The following RBBP8 variants were observed in gnomAD, a reference collection of about 807,000 sequenced individuals.
The protein encoded by RBBP8 is DNA endonuclease RBBP8.
Under a neutral mutation model 108.3 loss-of-function variants are expected in RBBP8, and 88 were observed. The ratio of observed to expected loss-of-function variants is 0.81; its 90% confidence interval spans 0.68 to 0.97. The LOEUF (loss-of-function observed/expected upper bound fraction) is 0.97. Among genes scored for constraint, RBBP8 ranks in the 50% least tolerant of loss-of-function variants. The pLI is 0.00. For missense variants in RBBP8, 1,023 were observed against 1,049.0 expected, an observed-to-expected ratio of 0.98 and a Z score of 0.34; for synonymous variants, 332 against 348.2, an observed-to-expected ratio of 0.95 and a Z score of 0.52.
chr18:22,948,959 TG>T (rs1207649792), intron 3 of RBBP8, among the ~76,000 whole-genome samples: 1 of 152,190 alleles, frequency 6.6e-6, no homozygotes, highest in Non-Finnish European at 1.5e-5. Context: ...TGGTTGTCTT[TG>T]TTAGTTTTTT....
Position 22,997,639 on chromosome 18 carries a change from TAGG to T in RBBP8, c.2054_2056del (p.Gly685del), listed in dbSNP as rs752196040. ...ATTTAGGATGGCAGTCAGTCAAAAT[TAGG>T]AGGAGAGACAGTGGACATGGACTGT... On this transcript the variant is annotated inframe_deletion, in exon 14 of 19. Coordinates refer to ENST00000327155, the MANE Select transcript of RBBP8 (RefSeq NM_002894.3). The T allele has an allele frequency of 3.5e-5, 57 of 1,605,742 alleles. No homozygotes were observed. The highest frequency in any genetic ancestry group is 4.2e-5 in the Non-Finnish European group (49 of 1,174,694).
At position 22,991,062 on chromosome 18, in the gene RBBP8, A is replaced by G. The variant is rs771897558; in HGVS notation, c.920+13A>G. 1.3e-6 allele frequency: 2 copies of G among 1,567,022 alleles called. No homozygotes were observed. Among genetic ancestry groups the G allele is most frequent in the South Asian group, 2.2e-5 (2 of 89,680 alleles). ...AAGATAGTTTAAGGTAATTAAGGGCACGTTGGTGAAAACTGATAAGCTATT... is the reference window on the plus strand; with the variant it reads ...AAGATAGTTTAAGGTAATTAAGGGCGCGTTGGTGAAAACTGATAAGCTATT... On this transcript the variant is annotated intron_variant, in intron 10 of 18. Coordinates refer to ENST00000327155, the MANE Select transcript of RBBP8 (RefSeq NM_002894.3).
chr18:22,976,719 A>G (rs1914524245), intron 6 of RBBP8, among the ~76,000 whole-genome samples: 1 of 152,060 alleles, frequency 6.6e-6, no homozygotes. Context: ...ATTTATGTGA[A>G]GTGATTATGT....
intron 4 of RBBP8, among the ~76,000 whole-genome samples, chr18:22,952,590 T>C (rs938733489): frequency 3.3e-5 from 5 of 152,164 alleles, no homozygotes; most frequent in African/African-American, 9.7e-5. Flanking sequence ...TTCCAACTTT[T>C]AGCACTCTAA....
intron 3 of RBBP8, among the ~76,000 whole-genome samples, chr18:22,919,101 A>G (rs1267241243): frequency 6.6e-6 from 1 of 152,248 alleles, no homozygotes; most frequent in Admixed American, 6.5e-5. Flanking sequence ...TTTTCTAAAG[A>G]TAATATTAAA....
chr18:22,944,052 C>T (rs976767072), intron 2 of RBBP8, among the ~76,000 whole-genome samples: 1 of 152,182 alleles, frequency 6.6e-6, no homozygotes, highest in Non-Finnish European at 1.5e-5. Context: ...CAACAGATTA[C>T]CTGTTCATAC....
At chr18:23,001,029 T>G (rs1014672724) in intron 14 of RBBP8, among the ~76,000 whole-genome samples, 1 of 152,212 alleles carries the variant, frequency 6.6e-6, no homozygotes, top group South Asian at 2.1e-4. Context: ...CTTCACTACA[T>G]GCATTACATC....
At chr18:22,975,307 A>T (rs1441073774) in intron 6 of RBBP8, 88 bp downstream of exon 6, 3 of 1,532,680 alleles carry the variant, frequency 2.0e-6, no homozygotes, top group Admixed American at 3.9e-5. Context: ...ATTTCATTTT[A>T]AAAATTATGA....
intron 4 of RBBP8, among the ~76,000 whole-genome samples, chr18:22,960,983 A>T (rs1282019817): frequency 6.6e-6 from 1 of 152,220 alleles, no homozygotes; most frequent in Non-Finnish European, 1.5e-5. Flanking sequence ...TGATTCAAGT[A>T]ACACTAACTG....
intron 16 of RBBP8, among the ~76,000 whole-genome samples, chr18:23,013,334 G>A (rs558621642): frequency 6.2e-4 from 94 of 152,194 alleles, no homozygotes; most frequent in South Asian, 2.1e-3. Context: ...GGTTGGGTTG[G>A]GGATGAAATT....
intron 7 of RBBP8, 124 bp downstream of exon 7, chr18:22,982,517 A>G (rs1915007575): frequency 1.9e-6 from 3 of 1,543,788 alleles, no homozygotes; most frequent in African/African-American, 2.7e-5. Context: ...TGGTACAACT[A>G]TGAGTTTAAC....
Position 23,017,392 on chromosome 18 carries a change from A to G in RBBP8, c.2454+468A>G, listed in dbSNP as rs60000725. On this transcript the variant is annotated intron_variant, in intron 17 of 18. Transcript: ENST00000327155. The stretch of plus-strand genomic sequence containing the variant: ...AAAAATGCCAGGTGCAGTGGCTCAC[A>G]CCTGTAATCCCAGCACTTTGGGAGG... 3.9e-3 allele frequency among the ~76,000 whole-genome samples: 557 copies of G among 141,656 alleles called. 8 individuals carry two copies. In the East Asian group the frequency reaches 0.043, roughly 11 times the overall value. 92.9% of individuals were successfully genotyped at this position (141,656 alleles called of 152,430 possible).
chr18:22,963,366 T>A (rs1470456203), intron 4 of RBBP8, among the ~76,000 whole-genome samples: 1 of 152,234 alleles, frequency 6.6e-6, no homozygotes, highest in East Asian at 1.9e-4. Context: ...TGAAACATAT[T>A]GTAAACTGTA....
intron 15 of RBBP8, 65 bp downstream of exon 15, chr18:23,001,794 G>A (rs1393357427): frequency 2.5e-6 from 4 of 1,572,766 alleles, no homozygotes; most frequent in Non-Finnish European, 2.6e-6. Context: ...AAGTTATCAA[G>A]CTAATTAACA....
chr18:22,970,584 C>A (rs910534933), intron 5 of RBBP8, among the ~76,000 whole-genome samples: 1 of 152,076 alleles, frequency 6.6e-6, no homozygotes, highest in African/African-American at 2.4e-5. Context: ...TAATAATATT[C>A]AATCTGGTGG....
At chr18:22,917,766 TGAG>T (rs1909418095) in intron 3 of RBBP8, among the ~76,000 whole-genome samples, 1 of 152,074 alleles carries the variant, frequency 6.6e-6, no homozygotes, top group South Asian at 2.1e-4. Flanking sequence ...TTTGGGAGGC[TGAG>T]GCAGCCAGAT....
intron 15 of RBBP8, 29 bp from the exon 16 acceptor site, chr18:23,006,334 A>G (rs1295863435): frequency 6.3e-7 from 1 of 1,576,686 alleles, no homozygotes; most frequent in Non-Finnish European, 8.7e-7. Context: ...TTCTACATTT[A>G]GTTTGTAATG....
At chr18:23,006,052 G>A (rs767226348) in intron 15 of RBBP8, among the ~76,000 whole-genome samples, 1 of 151,976 alleles carries the variant, frequency 6.6e-6, no homozygotes, top group African/African-American at 2.4e-5. Context: ...CCGGCATGGT[G>A]GTGGGCGCCT....
chr18:23,000,219 T>C (rs1391441330), intron 14 of RBBP8, among the ~76,000 whole-genome samples: 2 of 152,172 alleles, frequency 1.3e-5, no homozygotes, highest in Non-Finnish European at 2.9e-5. Context: ...GGTACTTATA[T>C]AGAATAATCT....
Sources: allele counts gnomAD v4.1 joint callset (sites outside exome capture counted in the v4.1 genomes callset), GRCh38; gene constraint gnomAD v4.1.1; transcripts MANE v1.5; gene names NCBI Gene and HGNC (gene_info 2026-07-23, HGNC 2026-07-21).